Variants in FAT1 observed in about 807,000 individuals in gnomAD.
FAT1 encodes the protein protocadherin Fat 1.
A neutral mutation model predicts 329.8 loss-of-function variants in FAT1; 171 were observed. The ratio of observed to expected loss-of-function variants is 0.52; its 90% CI spans 0.46 to 0.59. The LOEUF (loss-of-function observed/expected upper bound fraction) is 0.59, where lower values mean the gene tolerates loss of function less well. FAT1 is among the 20% of genes least tolerant of loss of function. The probability of loss-of-function intolerance (pLI) is 0.00; values close to 1 mark genes in which losing one functional copy is unlikely to be tolerated. For synonymous variants in FAT1, 2,233 were observed against 2,228.6 expected, an observed-to-expected ratio of 1.00 and a Z score of -0.06; for missense variants, 5,672 against 5,774.4, an observed-to-expected ratio of 0.98 and a Z score of 0.57.
chr4:186,618,211 G>A lies in FAT1; in HGVS notation c.8375C>T (p.Ser2792Phe), dbSNP rs2126492438. 1.9e-6 allele frequency: 3 copies of A among 1,613,988 alleles called. No individual in the cohort carries two copies. The South Asian group carries it at 3.3e-5, about 18-fold the overall frequency. The change falls in exon 10 of 27, where the codon TCT (serine) becomes TTT (phenylalanine). Residue 2792 changes from serine to phenylalanine, a missense_variant. Around this residue, in one of 2 missense-constraint regions of FAT1, gnomAD observed 3,966 missense variants for 3,915.2 expected, o/e 1.01. Transcript: ENST00000441802. ...CTQDDHEMVASVDVSIQVKDA... is the reference protein window; with the variant it reads ...CTQDDHEMVAFVDVSIQVKDA... The stretch of plus-strand genomic sequence containing the variant: ...TTTCACTTGGATACTAACATCTACA[G>A]AAGCCACCATCTCATGGTCATCTTG...
At chr4:186,609,716 C>A (rs1036186317) in intron 15 of FAT1, 85 bp downstream of exon 15, 5 of 946,380 alleles carry the variant, frequency 5.3e-6, no homozygotes, top group South Asian at 4.5e-5. Flanking sequence ...AAGGCCGCTA[C>A]AAAAACTAGA....
At chr4:186,725,211 G>T (rs76458105), upstream of FAT1, among the ~76,000 whole-genome samples, 530 of 152,222 alleles carry the variant, frequency 3.5e-3, 2 homozygotes, top group African/African-American at 0.011. This position sits in a 1 kb window ranked among gnomAD's most constrained non-coding sequence, Gnocchi z 5.4. Flanking sequence ...GGAACACCTC[G>T]AAAGTGGGTG....
intron 9 of FAT1, among the ~76,000 whole-genome samples, chr4:186,623,484 C>T (rs1740146708): frequency 6.6e-6 from 1 of 152,326 alleles, no homozygotes; most frequent in Non-Finnish European, 1.5e-5. Flanking sequence ...CTGTACTCAC[C>T]AGCTGACCTA....
intron 2 of FAT1, among the ~76,000 whole-genome samples, chr4:186,698,818 C>T (rs763070398): frequency 2.3e-4 from 35 of 152,162 alleles, no homozygotes; most frequent in African/African-American, 6.8e-4. Context: ...AGGAGGATTC[C>T]GTGACAGATG....
intron 2 of FAT1, among the ~76,000 whole-genome samples, chr4:186,697,083 T>C (rs767232257): frequency 6.6e-6 from 1 of 152,132 alleles, no homozygotes; most frequent in Non-Finnish European, 1.5e-5. Flanking sequence ...GAGCTAACTT[T>C]ATCATTAGAG....
chr4:186,619,243 G>T lies in FAT1; in HGVS notation c.7343C>A (p.Thr2448Asn). 1 of 1,613,980 alleles carries T rather than the reference G, an allele frequency of 6.2e-7. No homozygotes were observed. The highest frequency in any genetic ancestry group is 8.5e-7 in the Non-Finnish European group (1 of 1,179,894). The change falls in exon 10 of 27, where the codon ACC (threonine) becomes AAC (asparagine). Residue 2448 changes from threonine (T) to asparagine (N), a missense_variant. Physicochemically the swap from Thr to Asn is moderately conservative, Grantham distance 65. This residue lies in a region of FAT1 where 3,966 missense variants were observed against 3,915.2 expected (regional missense o/e 1.01). Transcript: ENST00000441802. ...GGCGTGCCGGTGCAGGTTTGAGAGG[G>T]TGATAATCCCTGTTGCACTGTCAAT... ...FVIDSATGII[T>N]LSNLHRHALK...
At chr4:186,716,214 CATT>C (rs1209485717) in intron 1 of FAT1, among the ~76,000 whole-genome samples, 2 of 152,090 alleles carry the variant, frequency 1.3e-5, no homozygotes, top group African/African-American at 4.8e-5. Flanking sequence ...TGGAACAGGA[CATT>C]ATTAAACTTT....
At chr4:186,611,352 T>G (rs757296234) in intron 14 of FAT1, 34 bp downstream of exon 14, 1 of 1,556,430 alleles carries the variant, frequency 6.4e-7, no homozygotes, top group South Asian at 1.2e-5. Flanking sequence ...CTTGGTGGAA[T>G]GAAGGGTTTC....
In FAT1 at chr4:186,707,433, T is replaced by A. The variant is rs777287193; in HGVS notation, c.2395A>T (p.Ile799Leu). The change falls in exon 2 of 27, where the codon ATA (isoleucine) becomes TTA (leucine). Residue 799 changes from isoleucine to leucine, a missense_variant. This residue lies in a region of FAT1 where 3,966 missense variants were observed against 3,915.2 expected (regional missense o/e 1.01). Transcript: ENST00000441802. ...TLNITVYDLG[I>L]PQKAAWRLLH... Reference sequence around the variant, plus strand: ...AGACGCCACGCAGCCTTCTGGGGTATCCCAAGGTCATAGACGGTAATATTC... The same window carrying A: ...AGACGCCACGCAGCCTTCTGGGGTAACCCAAGGTCATAGACGGTAATATTC... The A allele has an allele frequency of 6.2e-7, 1 of 1,614,054 alleles. No individual in the cohort carries two copies. The highest frequency in any genetic ancestry group is 1.1e-5 in the South Asian group (1 of 91,084).
chr4:186,723,244 C>A (rs1174256877), intron 1 of FAT1, among the ~76,000 whole-genome samples: 2 of 152,262 alleles, frequency 1.3e-5, no homozygotes, highest in Non-Finnish European at 2.9e-5. Context: ...CTGCAGGGCG[C>A]AAACACCCAG....
In FAT1 at chr4:186,708,719, T is replaced by C; in HGVS notation, c.1109A>G (p.Asp370Gly). The change falls in exon 2 of 27, where the codon GAT (aspartate) becomes GGT (glycine). Residue 370 changes from aspartate (D) to glycine (G), a missense_variant. By Grantham distance (94) the Asp-to-Gly change is moderately conservative. Transcript: ENST00000441802. ...FKAGPVKFEK[D>G]VYRAEISEFA... ...TTCACTTATTTCTGCTCTGTAAACA[T>C]CCTTTTCAAACTTGACTGGCCCGGC... 6.2e-7 allele frequency: 1 copy of C among 1,613,960 alleles called. No homozygotes were observed. Among genetic ancestry groups the C allele is most frequent in the Non-Finnish European group, 8.5e-7 (1 of 1,179,886 alleles).
chr4:186,641,731 G>A (rs749155276), intron 3 of FAT1, among the ~76,000 whole-genome samples: 15 of 152,184 alleles, frequency 9.9e-5, no homozygotes, highest in Non-Finnish European at 1.9e-4. Flanking sequence ...AAAAGGCTGG[G>A]CATGGTGGCT....
chr4:186,608,963 G>C (rs1432472731), intron 16 of FAT1, among the ~76,000 whole-genome samples: 1 of 152,192 alleles, frequency 6.6e-6, no homozygotes, highest in African/African-American at 2.4e-5. Context: ...ATTCCTTCCT[G>C]AATGCAAAGC....
rs925255585 is a variant in FAT1 at position 186,723,775 on chromosome 4, C to A, written c.-130G>T. 2.7e-5 allele frequency: 4 copies of A among 150,358 alleles called. No homozygotes were observed. The highest frequency in any genetic ancestry group is 6.6e-5 in the Admixed American group (1 of 15,150). 9.3% of individuals were successfully genotyped at this position (150,358 alleles called of 1,614,324 possible). On this transcript the variant is annotated 5_prime_UTR_variant, in exon 1 of 27. Transcript: ENST00000441802. ...GGGGCCCTCGCCGGGCTCGCGCGTC[C>A]GCATGGTACCTGCCGCACGAGCCGC...
At chr4:186,627,669 G>C (rs1740380167) in intron 9 of FAT1, among the ~76,000 whole-genome samples, 1 of 152,024 alleles carries the variant, frequency 6.6e-6, no homozygotes, top group South Asian at 2.1e-4. Flanking sequence ...GGGTGGGAGG[G>C]GCACGACACC....
At chr4:186,720,417 A>C (rs6839642) in intron 1 of FAT1, among the ~76,000 whole-genome samples, 102,411 of 152,086 alleles carry the variant, frequency 0.67, 35,239 homozygotes, top group Non-Finnish European at 0.75. Flanking sequence ...CTAAGATAAC[A>C]TGGTACGGTG....
rs757988420 is a variant in FAT1 at position 186,709,631 on chromosome 4, G to A, written c.197C>T (p.Pro66Leu). 4.3e-6 allele frequency: 7 copies of A among 1,613,766 alleles called. No homozygotes were observed. In the African/African-American group the frequency reaches 8.0e-5, roughly 18 times the overall value. The change falls in exon 2 of 27, where the codon CCA (proline) becomes CTA (leucine). Residue 66 changes from proline to leucine, a missense_variant. Physicochemically the swap from Pro to Leu is moderately conservative, Grantham distance 98 (BLOSUM62 -3). Around this residue, in one of 2 missense-constraint regions of FAT1, gnomAD observed 3,966 missense variants for 3,915.2 expected, o/e 1.01. Coordinates refer to ENST00000441802, the MANE Select transcript of FAT1 (RefSeq NM_005245.4). Reference protein sequence around the residue: ...PVKMGVYITHPAWEVRYKIVS... With the variant: ...PVKMGVYITHLAWEVRYKIVS... ...AATTTTGTACCTTACTTCCCACGCT[G>A]GATGTGTAATGTAAACACCCATCTT...
intron 3 of FAT1, among the ~76,000 whole-genome samples, chr4:186,654,727 C>T (rs75769512): frequency 0.032 from 4,925 of 152,074 alleles, 117 homozygotes; most frequent in Non-Finnish European, 0.048. Context: ...CTGAGCAACA[C>T]GGTGAGACCC....
chr4:186,695,132 A>G (rs1743963699), intron 2 of FAT1, among the ~76,000 whole-genome samples: 1 of 152,258 alleles, frequency 6.6e-6, no homozygotes, highest in Non-Finnish European at 1.5e-5. Flanking sequence ...TAACAAAAAT[A>G]GATCCTACTA....
Sources: gnomAD v4.1 joint callset for allele counts (sites outside exome capture counted in the v4.1 genomes callset) on GRCh38, gnomAD v4.1.1 for gene constraint, gnomAD v4.1.1 regional missense constraint, Gnocchi (gnomAD v3.1) non-coding constraint, MANE v1.5 for transcripts, NCBI Gene and HGNC (gene_info 2026-07-23, HGNC 2026-07-21) for gene names.